The following ASMT variants were observed in gnomAD, a reference collection of about 807,000 sequenced individuals.
ASMT encodes the protein acetylserotonin N-methyltransferase.
ASMT carries 53 observed loss-of-function variants against 41.3 expected under a neutral mutation model. That is an observed-to-expected ratio of 1.28 (90% CI 1.03 to 1.61). The LOEUF (loss-of-function observed/expected upper bound fraction) is 1.61. Among genes scored for constraint, ASMT ranks in the 40% most tolerant of loss-of-function variants. The pLI is 0.00. For missense variants in ASMT, 531 were observed against 441.3 expected, an observed-to-expected ratio of 1.20 and a Z score of -1.82; for synonymous variants, 231 against 184.8, an observed-to-expected ratio of 1.25 and a Z score of -2.03.
At chrX:1,617,132 C>T (rs1219426478) in intron 1 of ASMT, among the ~76,000 whole-genome samples, 5 of 151,964 alleles carry the variant, frequency 3.3e-5, no homozygotes, top group African/African-American at 1.2e-4. Flanking sequence ...ATGATTGCAC[C>T]ACTGCACTCC....
chrX:1,627,527 AGGAGAATGGC>A (rs1449064406), intron 3 of ASMT, among the ~76,000 whole-genome samples, 166 bp from the exon 4 acceptor site: 2 of 151,992 alleles, frequency 1.3e-5, no homozygotes, highest in African/African-American at 4.8e-5. Flanking sequence ...AGGCTGAGGC[AGGAGAATGGC>A]GTGAACCCAG....
intron 1 of ASMT, among the ~76,000 whole-genome samples, chrX:1,616,178 A>T (rs768528961): frequency 7.0e-6 from 1 of 142,058 alleles, no homozygotes; most frequent in Non-Finnish European, 1.5e-5. Flanking sequence ...ACAGGCACCC[A>T]CCACCACGCC....
At position 1,615,293 on chromosome X, in the gene ASMT, G is replaced by T. The variant is rs1287363288; in HGVS notation, c.69+25G>T. On this transcript the variant is annotated intron_variant, in intron 1 of 8. Transcript: ENST00000381241. ...GGTAGGATACGCTCTGTGGGACAAG[G>T]GGGAATAGACTTCCGTTCATCACAC... The T allele has an allele frequency of 3.2e-6, 5 of 1,571,464 alleles. No homozygotes were observed. In the East Asian group the frequency reaches 1.2e-4, roughly 36 times the overall value.
intron 1 of ASMT, among the ~76,000 whole-genome samples, chrX:1,622,652 G>A (rs1378138040): frequency 2.0e-5 from 3 of 151,828 alleles, no homozygotes; most frequent in Admixed American, 6.6e-5. Context: ...AATGGCTCAC[G>A]CCTGTCATCC....
chrX:1,631,505 T>G (rs1322765955), intron 5 of ASMT, among the ~76,000 whole-genome samples: 2 of 152,156 alleles, frequency 1.3e-5, no homozygotes, highest in African/African-American at 4.8e-5. Context: ...TCCTGGCTGG[T>G]AGAAGGCCCT....
chrX:1,634,583 A>G (rs1293265330), intron 7 of ASMT, among the ~76,000 whole-genome samples: 1 of 152,132 alleles, frequency 6.6e-6, no homozygotes, highest in African/African-American at 2.4e-5. Context: ...TAGAGATTAC[A>G]GTTGCCAATT....
At chrX:1,619,607 A>G (rs1230611085) in intron 1 of ASMT, among the ~76,000 whole-genome samples, 28 of 137,206 alleles carry the variant, frequency 2.0e-4, no homozygotes, top group Non-Finnish European at 7.7e-5. Flanking sequence ...TTGGGAGCAG[A>G]AAAAAAAAAA....
chrX:1,633,855 G>T (rs1934865266), intron 7 of ASMT, among the ~76,000 whole-genome samples: 1 of 152,110 alleles, frequency 6.6e-6, no homozygotes. Context: ...AGCCAGGATG[G>T]TCTCGATCTC....
Position 1,641,334 on chromosome X carries a change from T to A in ASMT, c.911-1469T>A, listed in dbSNP as rs6655383. 5.0e-3 allele frequency among the ~76,000 whole-genome samples: 149 copies of A among 29,628 alleles called. 37 individuals carry two copies. Among genetic ancestry groups the A allele is most frequent in the Middle Eastern group, 0.013 (1 of 78 alleles). The allele number at this position is 29,628 out of a possible 152,430, so 19.4% of individuals were successfully genotyped here. On this transcript the variant is annotated intron_variant, in intron 8 of 8. Transcript: ENST00000381241. ...AGGTCCACCCATCCTGATGATCCAT[T>A]AGGATGTGGACACAGCCTCTGTGTG...
At chrX:1,634,978 T>TCACTGCACAGAGCTCACCAAGA (rs1271317363) in intron 7 of ASMT, among the ~76,000 whole-genome samples, 2 of 126,370 alleles carry the variant, frequency 1.6e-5, no homozygotes, top group Middle Eastern at 3.8e-3. Context: ...AGTTAACTCT[T>TCACTGCACAGAGCTCACCAAGA]TTTTTTTTTT....
chrX:1,640,422 G>C (rs868100035), intron 8 of ASMT, among the ~76,000 whole-genome samples: 707 of 22,266 alleles, frequency 0.032, 64 homozygotes, highest in Non-Finnish European at 0.034. Context: ...CCTCCTGATG[G>C]TTCATGAGGA....
intron 1 of ASMT, among the ~76,000 whole-genome samples, chrX:1,616,215 G>C (rs1331400164): frequency 2.6e-5 from 4 of 151,458 alleles, no homozygotes; most frequent in Non-Finnish European, 1.5e-5. Flanking sequence ...TTTTAGTAGA[G>C]ATGGGGTTTC....
chrX:1,628,812 C>A (rs747664168), intron 4 of ASMT, among the ~76,000 whole-genome samples: 194 of 90,086 alleles, frequency 2.2e-3, no homozygotes, highest in Non-Finnish European at 3.6e-3. Context: ...CTGCCTCTCT[C>A]CTTCTCCTCT....
intron 3 of ASMT, 146 bp from the exon 4 acceptor site, chrX:1,627,557 G>T: frequency 1.2e-6 from 1 of 825,914 alleles, no homozygotes; most frequent in South Asian, 1.4e-5. Context: ...GAAGGCAGAG[G>T]TTGCAGTGAG....
chrX:1,618,223 G>A (rs1934209265), intron 1 of ASMT, among the ~76,000 whole-genome samples: 1 of 152,110 alleles, frequency 6.6e-6, no homozygotes, highest in East Asian at 1.9e-4. Context: ...GAGTGCAGTG[G>A]CATGATCTCA....
chrX:1,628,615 C>A (rs55711250), intron 4 of ASMT, among the ~76,000 whole-genome samples: 2 of 148,252 alleles, frequency 1.3e-5, no homozygotes, highest in Non-Finnish European at 3.0e-5. Flanking sequence ...CCCCTCTCTT[C>A]TCCTTCTGTC....
intron 7 of ASMT, 75 bp downstream of exon 7, chrX:1,633,365 G>A (rs1934848516): frequency 6.3e-7 from 1 of 1,589,542 alleles, no homozygotes; most frequent in African/African-American, 1.3e-5. Flanking sequence ...TCTGGGAAAT[G>A]AAGAAGATGT....
At chrX:1,619,927 T>C (rs1442321117) in intron 1 of ASMT, among the ~76,000 whole-genome samples, 1 of 149,434 alleles carries the variant, frequency 6.7e-6, no homozygotes, top group Non-Finnish European at 1.5e-5. Context: ...CCGTCTCTAC[T>C]AAAAATATTT....
chrX:1,641,372 C>A (rs6644790), intron 8 of ASMT, among the ~76,000 whole-genome samples: 29,561 of 72,570 alleles, frequency 0.41, 9,315 homozygotes, highest in East Asian at 0.85. Context: ...TGATAGGGAC[C>A]ATGTCCCAGT....
Sources: allele counts gnomAD v4.1 joint callset (sites outside exome capture counted in the v4.1 genomes callset), GRCh38; gene constraint gnomAD v4.1.1; transcripts MANE v1.5; gene names NCBI Gene and HGNC (gene_info 2026-07-23, HGNC 2026-07-21).